CACNA1E: variants seen among roughly 807,000 people sequenced by gnomAD.
CACNA1E encodes the protein voltage-dependent R-type calcium channel subunit alpha-1E.
A neutral mutation model predicts 259.2 loss-of-function variants in CACNA1E; 40 were observed. The observed-to-expected ratio is 0.15, with a 90% CI of 0.12 to 0.20. CACNA1E has a LOEUF of 0.20. CACNA1E is among the 10% of genes least tolerant of loss of function. CACNA1E has a pLI of 1.00. For synonymous variants in CACNA1E, 1,104 were observed against 1,138.5 expected, an observed-to-expected ratio of 0.97 and a Z score of 0.61; for missense variants, 1,874 against 3,040.1, an observed-to-expected ratio of 0.62 and a Z score of 9.02.
chr1:181,324,739 A>G (rs1391803232), intron 1 of CACNA1E, among the ~76,000 whole-genome samples: 1 of 152,142 alleles, frequency 6.6e-6, no homozygotes, highest in Non-Finnish European at 1.5e-5. Context: ...GCATCCATGA[A>G]GCCCCGGGAG....
chr1:181,670,157 C>G (rs896545677), intron 7 of CACNA1E, among the ~76,000 whole-genome samples: 1 of 152,204 alleles, frequency 6.6e-6, no homozygotes, highest in Non-Finnish European at 1.5e-5. Flanking sequence ...CCACATCATT[C>G]TGAGGTTATA....
At chr1:181,347,841 G>T (rs1652724575) in intron 1 of CACNA1E, among the ~76,000 whole-genome samples, 1 of 152,248 alleles carries the variant, frequency 6.6e-6, no homozygotes. Context: ...CTGGTGAGAA[G>T]TGCTCTAAGA....
chr1:181,661,473 A>G (rs975172791), intron 7 of CACNA1E, among the ~76,000 whole-genome samples: 2 of 152,004 alleles, frequency 1.3e-5, no homozygotes, highest in African/African-American at 4.8e-5. Context: ...AATCAGAGGG[A>G]AGTCTTCTGG....
intron 3 of CACNA1E, among the ~76,000 whole-genome samples, chr1:181,537,787 A>G (rs1456754335): frequency 6.6e-6 from 1 of 152,212 alleles, no homozygotes; most frequent in Non-Finnish European, 1.5e-5. Context: ...CAACAACCCT[A>G]TGATGTCTAT....
Position 181,785,325 on chromosome 1 carries a change from C to A in CACNA1E, c.5586C>A (p.Asp1862Glu). Residue 1862 changes from aspartate to glutamate, a missense_variant, in exon 42 of 48, where the codon GAC becomes GAA. Physicochemically the swap from Asp to Glu is conservative, Grantham distance 45. Around this residue, in one of 14 missense-constraint regions of CACNA1E, gnomAD observed 147 missense variants for 337.1 expected, o/e 0.44. Transcript: ENST00000367573. ...CCACATTTGTGTTTCTAGCCTCTGA[C>A]CTGACTGTGGGCAAAATCTATGCAG... ...DLLVPMPKAS[D>E]LTVGKIYAAM... is the part of the protein sequence containing the mutation. 6.2e-7 allele frequency: 1 copy of A among 1,609,586 alleles called. No individual in the cohort carries two copies. The highest frequency in any genetic ancestry group is 8.5e-7 in the Non-Finnish European group (1 of 1,176,060).
chr1:181,526,732 T>G (rs989067964), intron 3 of CACNA1E, among the ~76,000 whole-genome samples: 2 of 152,244 alleles, frequency 1.3e-5, no homozygotes, highest in African/African-American at 4.8e-5. Context: ...ATTTGAAGTC[T>G]GCTTCTGGCT....
chr1:181,350,707 G>A (rs769159128), intron 1 of CACNA1E, among the ~76,000 whole-genome samples: 3 of 152,112 alleles, frequency 2.0e-5, no homozygotes, highest in Admixed American at 6.5e-5. Context: ...CAACAGAGTC[G>A]TGGCCCCATG....
chr1:181,682,575 C>T (rs75682525), intron 7 of CACNA1E, among the ~76,000 whole-genome samples: 3,832 of 152,194 alleles, frequency 0.025, 161 homozygotes, highest in African/African-American at 0.088. Context: ...AAAAAATACC[C>T]GAGACTGGGT....
At position 181,804,535 on chromosome 1, in the gene CACNA1E, C is replaced by T. The variant is rs1662497182; in HGVS notation, c.*5701C>T. The T allele has an allele frequency of 6.6e-6, 1 of 152,140 alleles. No homozygotes were observed. The highest frequency in any genetic ancestry group is 2.4e-5 in the African/African-American group (1 of 41,426). 9.4% of individuals were successfully genotyped at this position (152,140 alleles called of 1,614,324 possible). On this transcript the variant is annotated 3_prime_UTR_variant, in exon 48 of 48. Transcript: ENST00000367573. ...TTATGTCTTAAGAAGATAATTTTTA[C>T]AATAGTGTAGTAATCTGATAAATGA...
At chr1:181,684,162 A>G (rs985155107) in intron 7 of CACNA1E, among the ~76,000 whole-genome samples, 4 of 152,124 alleles carry the variant, frequency 2.6e-5, no homozygotes, top group Admixed American at 6.5e-5. Context: ...TTGACTTTTA[A>G]TAATGGCCAT....
chr1:181,435,994 A>C (rs1466325548), intron 2 of CACNA1E, among the ~76,000 whole-genome samples: 1 of 152,252 alleles, frequency 6.6e-6, no homozygotes, highest in Non-Finnish European at 1.5e-5. Context: ...TATTAAAAAG[A>C]TATGAGGAAC....
At chr1:181,703,511 A>T (rs895642454) in intron 7 of CACNA1E, among the ~76,000 whole-genome samples, 1 of 152,220 alleles carries the variant, frequency 6.6e-6, no homozygotes, top group Non-Finnish European at 1.5e-5. Context: ...AACAGGAAAC[A>T]TATTCCAGTT....
chr1:181,646,636 G>GT (rs1658291008), intron 6 of CACNA1E, among the ~76,000 whole-genome samples: 1 of 152,294 alleles, frequency 6.6e-6, no homozygotes, highest in African/African-American at 2.4e-5. Context: ...GGGGAACCCT[G>GT]TTAGAGACCT....
intron 38 of CACNA1E, among the ~76,000 whole-genome samples, chr1:181,780,296 C>T (rs1021265227): frequency 1.4e-4 from 22 of 152,292 alleles, no homozygotes; most frequent in Admixed American, 5.9e-4. Context: ...CAAGTCACTT[C>T]TTGTCAGTTA....
chr1:181,373,630 C>T (rs1167211770), intron 1 of CACNA1E, among the ~76,000 whole-genome samples: 5 of 151,342 alleles, frequency 3.3e-5, no homozygotes, highest in South Asian at 2.1e-4. Context: ...CTCCGCCTCC[C>T]GGGTTCACGC....
chr1:181,376,323 A>G (rs892396125), intron 1 of CACNA1E, among the ~76,000 whole-genome samples: 1 of 152,224 alleles, frequency 6.6e-6, no homozygotes, highest in African/African-American at 2.4e-5. Flanking sequence ...CAGGAAGGTA[A>G]GCTGTTTGCC....
intron 18 of CACNA1E, among the ~76,000 whole-genome samples, chr1:181,726,632 A>G (rs1021256035): frequency 6.6e-5 from 10 of 152,246 alleles, no homozygotes; most frequent in Non-Finnish European, 7.3e-5. Flanking sequence ...GGAGGTCCTT[A>G]AAGTCCAGGT....
At chr1:181,683,580 ACT>A (rs1650210569) in intron 7 of CACNA1E, among the ~76,000 whole-genome samples, 1 of 151,848 alleles carries the variant, frequency 6.6e-6, no homozygotes, top group African/African-American at 2.4e-5. Flanking sequence ...ATCATTCCTC[ACT>A]CTCCTCTGAT....
chr1:181,594,319 T>A (rs1459241209), intron 6 of CACNA1E, among the ~76,000 whole-genome samples: 5 of 152,214 alleles, frequency 3.3e-5, no homozygotes, highest in Non-Finnish European at 7.3e-5. Context: ...AACCTGTCAT[T>A]GAAGAATGAG....
Sources: gnomAD v4.1 joint callset for allele counts (sites outside exome capture counted in the v4.1 genomes callset) on GRCh38, gnomAD v4.1.1 for gene constraint, gnomAD v4.1.1 regional missense constraint, MANE v1.5 for transcripts, NCBI Gene and HGNC (gene_info 2026-07-23, HGNC 2026-07-21) for gene names.